The following BUD13 variants were observed in gnomAD, a reference collection of about 807,000 sequenced individuals.
BUD13 encodes the protein BUD13 spliceosome associated protein, also known as BUD13 homolog.
Under a neutral mutation model 62.5 loss-of-function variants are expected in BUD13, and 47 were observed. That is an observed-to-expected ratio of 0.75 (90% confidence interval 0.60 to 0.96). The LOEUF (loss-of-function observed/expected upper bound fraction) is 0.96. Among genes scored for constraint, BUD13 ranks in the 40% least tolerant of loss-of-function variants. The pLI, the probability that BUD13 is intolerant of heterozygous loss-of-function variation, is 0.00. For synonymous variants in BUD13, 293 were observed against 280.1 expected (o/e 1.05, Z -0.46); for missense variants, 821 against 790.9 (o/e 1.04, Z -0.46).
At position 116,748,507 on chromosome 11, in the gene BUD13, T is replaced by C; in HGVS notation, c.1835A>G (p.Tyr612Cys). 1 of 1,614,240 alleles carries C rather than the reference T, an allele frequency of 6.2e-7. No homozygotes were observed. The highest frequency in any genetic ancestry group is 8.5e-7 in the Non-Finnish European group (1 of 1,180,030). Residue 612 changes from tyrosine (Y) to cysteine (C), a missense_variant, in exon 10 of 10, where the codon TAC becomes TGC. By Grantham distance (194) the Tyr-to-Cys change is radical. Transcript: ENST00000260210. ...ASKKAVEELA[Y>C]KWSVEDM ...TTACATATCCTCAACACTCCATTTG[T>C]AGGCAAGTTCCTCCACTGCCTTCTT...
At chr11:116,752,093 G>A (rs543963120) in intron 9 of BUD13, among the ~76,000 whole-genome samples, 55 of 152,182 alleles carry the variant, frequency 3.6e-4, no homozygotes, top group African/African-American at 1.3e-3. Flanking sequence ...ACAGGCGCCC[G>A]CCACCACGCC....
chr11:116,771,538 T>C (rs758150173), intron 1 of BUD13, among the ~76,000 whole-genome samples: 3 of 152,142 alleles, frequency 2.0e-5, no homozygotes, highest in Non-Finnish European at 4.4e-5. Flanking sequence ...TTATTATTAT[T>C]CTCATTTTAA....
chr11:116,755,559 CA>C (rs1435767751), intron 9 of BUD13, among the ~76,000 whole-genome samples: 4 of 152,180 alleles, frequency 2.6e-5, no homozygotes, highest in African/African-American at 9.7e-5. Context: ...TTTTGTGTAA[CA>C]TTAAGAAATA....
In BUD13 at chr11:116,772,708, G is replaced by C. The variant is rs1267443430; in HGVS notation, c.143+114C>G. 3 of 1,349,636 alleles carry C rather than the reference G, an allele frequency of 2.2e-6. No homozygotes were observed. The African/African-American group carries it at 4.6e-5, about 21-fold the overall frequency. The allele number at this position is 1,349,636 out of a possible 1,614,324, so 83.6% of individuals were successfully genotyped here. On this transcript the variant is annotated intron_variant, in intron 1 of 9. Transcript: ENST00000260210. Reference sequence around the variant, plus strand: ...GGGGCCCTGAGCATGAGCAGGGGTCGGCGGAGAAGCCGAGAGACCCGCCAA... The same window carrying C: ...GGGGCCCTGAGCATGAGCAGGGGTCCGCGGAGAAGCCGAGAGACCCGCCAA...
rs1470543144 is a variant in BUD13 at position 116,757,856 on chromosome 11, C to T, written c.1594G>A (p.Asp532Asn). ...LARYIDDEDL[D>N]RMLREQEREG... ...CTTTCCTGTTCTCTTAGCATCCTATCCAGATCTTCGTCATCAATATAGCGG... is the reference window on the plus strand; with the variant it reads ...CTTTCCTGTTCTCTTAGCATCCTATTCAGATCTTCGTCATCAATATAGCGG... The change falls in exon 8 of 10, where the codon GAT becomes AAT. Residue 532 changes from aspartate (D) to asparagine (N), a missense_variant. Transcript: ENST00000260210. 5 of 1,614,078 alleles carry T rather than the reference C, an allele frequency of 3.1e-6. No homozygotes were observed. Among genetic ancestry groups the T allele is most frequent in the Non-Finnish European group, 3.4e-6 (4 of 1,180,050 alleles).
Position 116,748,419 on chromosome 11 carries a change from A to C in BUD13, c.*63T>G. The stretch of plus-strand genomic sequence containing the variant: ...ATTATTAGCACAGACAACTGTTACC[A>C]CTGGATATCTCGCTGCCTATGCCCA... On this transcript the variant is annotated 3_prime_UTR_variant, in exon 10 of 10. Transcript: ENST00000260210. 2 of 1,419,894 alleles carry C rather than the reference A, an allele frequency of 1.4e-6. No individual in the cohort carries two copies. Among genetic ancestry groups the C allele is most frequent in the Non-Finnish European group, 2.0e-6 (2 of 1,004,528 alleles). The allele number at this position is 1,419,894 out of a possible 1,614,324, so 88.0% of individuals were successfully genotyped here.
chr11:116,756,130 C>T (rs1384401292), intron 9 of BUD13, among the ~76,000 whole-genome samples: 2 of 152,034 alleles, frequency 1.3e-5, no homozygotes, highest in Non-Finnish European at 2.9e-5. Flanking sequence ...ATTGCTTGAA[C>T]CCGGGAAGTG....
At position 116,760,922 on chromosome 11, in the gene BUD13, A is replaced by T. The variant is rs1045904083; in HGVS notation, c.1067T>A (p.Leu356His). ...ACTTTGTTTATGCCGTGGAGAAGAA[A>T]GGTCTGAATCAGTTGCTTTCTGGCA... is the stretch of plus-strand genomic sequence containing the variant. ...GDCQKATDSD[L>H]SSPRHKQSPG... is the part of the protein sequence containing the mutation. Residue 356 changes from leucine (L) to histidine (H), a missense_variant, in exon 5 of 10, where the codon CTT (leucine) becomes CAT (histidine). Leu to His is a moderately conservative substitution (Grantham distance 99). Coordinates refer to ENST00000260210, the MANE Select transcript of BUD13 (RefSeq NM_032725.4). The T allele has an allele frequency of 3.7e-6, 6 of 1,614,016 alleles. No individual in the cohort carries two copies. The highest frequency in any genetic ancestry group is 5.1e-6 in the Non-Finnish European group (6 of 1,180,004).
intron 1 of BUD13, among the ~76,000 whole-genome samples, chr11:116,772,381 C>G (rs1213831015): frequency 1.3e-5 from 2 of 152,190 alleles, no homozygotes; most frequent in Non-Finnish European, 2.9e-5. Context: ...CACGTTAGGA[C>G]TATTACTAAG....
intron 7 of BUD13, 51 bp downstream of exon 7, chr11:116,758,218 G>T (rs1389935085): frequency 1.2e-6 from 2 of 1,604,862 alleles, no homozygotes; most frequent in South Asian, 1.1e-5. Flanking sequence ...GCAGAGAAAT[G>T]ACTTGTTCCA....
rs770858600 is a variant in BUD13 at position 116,757,810 on chromosome 11, T to C, written c.1640A>G (p.Asn547Ser). The C allele has an allele frequency of 1.9e-6, 3 of 1,613,950 alleles. No individual in the cohort carries two copies. The highest frequency in any genetic ancestry group is 2.5e-6 in the Non-Finnish European group (3 of 1,179,976). ...EQEREGDPMA[N>S]FIKKNKAKEN... ...CTTGGCCTTATTCTTCTTGATGAAG[T>C]TGGCCATAGGGTCCCCCTCTCTTTC... The change falls in exon 8 of 10, where the codon AAC becomes AGC. Residue 547 changes from asparagine to serine, a missense_variant. Coordinates refer to ENST00000260210, the MANE Select transcript of BUD13 (RefSeq NM_032725.4).
intron 6 of BUD13, 118 bp from the exon 7 acceptor site, chr11:116,758,525 G>T: frequency 9.4e-7 from 1 of 1,060,296 alleles, no homozygotes; most frequent in Non-Finnish European, 1.3e-6. Context: ...CCAGACCAAA[G>T]TAGTTCCTAC....
chr11:116,757,650 A>C, intron 8 of BUD13, 116 bp downstream of exon 8: 2 of 1,298,428 alleles, frequency 1.5e-6, no homozygotes, highest in Non-Finnish European at 2.1e-6. Context: ...TAAACTCACA[A>C]ATACAATGAA....
intron 2 of BUD13, among the ~76,000 whole-genome samples, chr11:116,768,598 C>G (rs1940571595): frequency 6.6e-6 from 1 of 151,966 alleles, no homozygotes; most frequent in South Asian, 2.1e-4. Flanking sequence ...AAAAAAACAA[C>G]AAACATTGTT....
rs759491199 is a variant in BUD13 at position 116,759,134 on chromosome 11, C to T, written c.1300G>A (p.Asp434Asn). The stretch of plus-strand genomic sequence containing the variant: ...AGCTCCTGCTGTTCTCGCTGTATGT[C>T]AGTTAACACCAACCCAGTTTTAGCC... ...SGAKTGLVLTDIQREQQELKE... is the reference protein window; with the variant it reads ...SGAKTGLVLTNIQREQQELKE... Residue 434 changes from aspartate to asparagine, a missense_variant, in exon 6 of 10, where the codon GAC becomes AAC. Physicochemically the swap from Asp to Asn is conservative, Grantham distance 23. This residue lies in a region of BUD13 where 800 missense variants were observed against 739.2 expected (regional missense o/e 1.08). Transcript: ENST00000260210. 2 of 1,614,056 alleles carry T rather than the reference C, an allele frequency of 1.2e-6. No homozygotes were observed. Among genetic ancestry groups the T allele is most frequent in the Non-Finnish European group, 1.7e-6 (2 of 1,180,022 alleles).
chr11:116,765,867 G>A (rs972300785), intron 2 of BUD13, among the ~76,000 whole-genome samples: 2 of 152,148 alleles, frequency 1.3e-5, no homozygotes, highest in Admixed American at 1.3e-4. Flanking sequence ...CTTTCTTGTT[G>A]TAGGTAGTCA....
intron 9 of BUD13, among the ~76,000 whole-genome samples, chr11:116,756,658 T>A (rs1940331499): frequency 6.6e-6 from 1 of 152,202 alleles, no homozygotes; most frequent in Non-Finnish European, 1.5e-5. Flanking sequence ...AAGCAAATAT[T>A]CATCCATCAT....
At chr11:116,758,948 A>G (rs1940382105) in intron 6 of BUD13, 126 bp downstream of exon 6, 1 of 696,866 alleles carries the variant, frequency 1.4e-6, no homozygotes, top group African/African-American at 1.8e-5. Context: ...AAATTACAAC[A>G]ATGCATAAAA....
intron 8 of BUD13, 55 bp from the exon 9 acceptor site, chr11:116,757,282 G>T: frequency 6.7e-7 from 1 of 1,503,528 alleles, no homozygotes; most frequent in Non-Finnish European, 9.2e-7. Context: ...TTAATTCAGA[G>T]CTGGATGGCA....
Sources: allele counts gnomAD v4.1 joint callset (sites outside exome capture counted in the v4.1 genomes callset), GRCh38; gene constraint gnomAD v4.1.1; regional missense constraint gnomAD v4.1.1; transcripts MANE v1.5; gene names NCBI Gene and HGNC (gene_info 2026-07-23, HGNC 2026-07-21).